GSAP: variants seen among roughly 807,000 people sequenced by gnomAD.
GSAP encodes the protein gamma-secretase-activating protein.
A neutral mutation model predicts 131.7 loss-of-function variants in GSAP; 118 were observed. The observed-to-expected ratio is 0.90, with a 90% CI of 0.77 to 1.04. The LOEUF (loss-of-function observed/expected upper bound fraction) is 1.04. Among genes scored for constraint, GSAP ranks in the 50% least tolerant of loss-of-function variants. The pLI, the probability that GSAP is intolerant of heterozygous loss-of-function variation, is 0.00. For synonymous variants in GSAP, 381 were observed against 363.4 expected (o/e 1.05, Z -0.55); for missense variants, 1,019 against 1,013.2 (o/e 1.01, Z -0.08).
chr7:77,400,260 G>A (rs1382632144), intron 3 of GSAP, among the ~76,000 whole-genome samples: 3 of 152,050 alleles, frequency 2.0e-5, no homozygotes, highest in African/African-American at 7.2e-5. Context: ...CACCAAGAGT[G>A]AAAGCAAATC....
chr7:77,389,026 T>C (rs1282408101), intron 5 of GSAP, among the ~76,000 whole-genome samples: 1 of 152,096 alleles, frequency 6.6e-6, no homozygotes, highest in Non-Finnish European at 1.5e-5. Flanking sequence ...ATCTACTTGA[T>C]GACTCAAAAA....
intron 12 of GSAP, among the ~76,000 whole-genome samples, chr7:77,364,863 C>A (rs1163178004): frequency 6.6e-6 from 1 of 152,230 alleles, no homozygotes; most frequent in African/African-American, 2.4e-5. Flanking sequence ...TCCAACAGAA[C>A]TGTCTTTGAC....
intron 26 of GSAP, among the ~76,000 whole-genome samples, chr7:77,319,201 T>C: frequency 6.6e-6 from 1 of 152,104 alleles, no homozygotes; most frequent in Non-Finnish European, 1.5e-5. Context: ...CAAACCTCAA[T>C]AGCAAGAAAA....
chr7:77,364,271 T>C (rs1317055659), intron 12 of GSAP, among the ~76,000 whole-genome samples: 1 of 152,084 alleles, frequency 6.6e-6, no homozygotes, highest in Admixed American at 6.5e-5. Flanking sequence ...AGTAATTCTT[T>C]TAGGATTCTA....
At chr7:77,344,715 C>T (rs1791528930) in intron 19 of GSAP, among the ~76,000 whole-genome samples, 1 of 152,122 alleles carries the variant, frequency 6.6e-6, no homozygotes, top group African/African-American at 2.4e-5. Context: ...GGGTACACTC[C>T]AATACTTTCA....
intron 19 of GSAP, among the ~76,000 whole-genome samples, chr7:77,333,843 TG>T (rs1789538506): frequency 6.6e-6 from 1 of 151,988 alleles, no homozygotes; most frequent in Admixed American, 6.5e-5. Flanking sequence ...AAGGGAGAGT[TG>T]AATCTGCACA....
chr7:77,382,487 G>T (rs1343697782), intron 7 of GSAP, 87 bp downstream of exon 7: 2 of 715,574 alleles, frequency 2.8e-6, no homozygotes, highest in South Asian at 3.2e-5. Context: ...ATGGCAGGTG[G>T]ATATCTAGAA....
At chr7:77,378,115 T>C (rs1797234167) in intron 8 of GSAP, among the ~76,000 whole-genome samples, 1 of 152,228 alleles carries the variant, frequency 6.6e-6, no homozygotes, top group Non-Finnish European at 1.5e-5. Flanking sequence ...CGCACTCTTC[T>C]ACAACACGTT....
intron 19 of GSAP, among the ~76,000 whole-genome samples, chr7:77,338,051 A>C (rs1001714781): frequency 6.6e-6 from 1 of 152,222 alleles, no homozygotes; most frequent in East Asian, 1.9e-4. Context: ...TGTGGTCCCA[A>C]CTACTTGGGA....
chr7:77,355,451 A>G, intron 15 of GSAP, 21 bp from the exon 16 acceptor site: 3 of 1,449,616 alleles, frequency 2.1e-6, no homozygotes, highest in South Asian at 1.2e-5. Context: ...AAAAAAAAAC[A>G]GTAGATCAGC....
rs770125174 is a variant in GSAP, at chr7:77,353,050, G to C, written c.1409-24C>G. On this transcript the variant is annotated intron_variant, in intron 17 of 30. Coordinates refer to ENST00000257626, the MANE Select transcript of GSAP (RefSeq NM_017439.4). ...AGCTGAGTAGATTTTTTTTGAAACA[G>C]GGGGAAAAAAGATGTGGTTTAATAA... The C allele has an allele frequency of 9.8e-6, 13 of 1,325,082 alleles. No individual in the cohort carries two copies. In the African/African-American group the frequency reaches 1.9e-4, roughly 19 times the overall value. 82.1% of individuals were successfully genotyped at this position (1,325,082 alleles called of 1,614,324 possible). A position where few individuals can be genotyped will look rare whatever the true frequency, so the allele number is the denominator to read the frequency against.
chr7:77,373,008 G>C (rs1417638923), intron 12 of GSAP, among the ~76,000 whole-genome samples: 2 of 152,220 alleles, frequency 1.3e-5, no homozygotes, highest in African/African-American at 4.8e-5. Flanking sequence ...AAGAGGAATG[G>C]ATTATGCAGG....
At chr7:77,397,515 G>A in intron 3 of GSAP, 100 bp from the exon 4 acceptor site, 2 of 625,874 alleles carry the variant, frequency 3.2e-6, no homozygotes, top group South Asian at 2.2e-5. Flanking sequence ...GTATTACTGG[G>A]GCAAAATATT....
At chr7:77,396,324 A>G (rs1800386319) in intron 5 of GSAP, among the ~76,000 whole-genome samples, 1 of 152,186 alleles carries the variant, frequency 6.6e-6, no homozygotes, top group African/African-American at 2.4e-5. Context: ...ACATATTTAC[A>G]TGGTCTCTCT....
intron 23 of GSAP, among the ~76,000 whole-genome samples, chr7:77,324,832 T>G (rs1307964323): frequency 6.8e-6 from 1 of 146,472 alleles, no homozygotes; most frequent in East Asian, 2.0e-4. Context: ...CATACTTTTT[T>G]TTTTTTTTTT....
chr7:77,354,804 T>C (rs1793412542), intron 16 of GSAP, among the ~76,000 whole-genome samples: 1 of 152,038 alleles, frequency 6.6e-6, no homozygotes, highest in South Asian at 2.1e-4. Flanking sequence ...CTTAATAAAC[T>C]CTAATGTGAA....
chr7:77,326,469 G>A lies in GSAP; in HGVS notation c.1766-196C>T, dbSNP rs187271394. 24 of 482,432 alleles carry A rather than the reference G, an allele frequency of 5.0e-5. No homozygotes were observed. In the East Asian group the frequency reaches 6.2e-4, roughly 12 times the overall value. The allele number at this position is 482,432 out of a possible 1,614,324, so 29.9% of individuals were successfully genotyped here. On this transcript the variant is annotated intron_variant, in intron 22 of 30. Transcript: ENST00000257626. ...GAGCTGTGTGAAACAGGGAATGACC[G>A]AGAAAGAAAGAAACCAACACATTCC...
At chr7:77,374,010 TAA>T in intron 12 of GSAP, 58 bp downstream of exon 12, 1 of 917,182 alleles carries the variant, frequency 1.1e-6, no homozygotes, top group South Asian at 1.4e-5. Context: ...AAACAATGAG[TAA>T]ATTTTGTCTA....
At chr7:77,332,206 T>C (rs1314983207) in intron 19 of GSAP, among the ~76,000 whole-genome samples, 1 of 152,218 alleles carries the variant, frequency 6.6e-6, no homozygotes, top group Non-Finnish European at 1.5e-5. Flanking sequence ...AATGCTATCC[T>C]GTTGTTAGAA....
Sources: allele counts gnomAD v4.1 joint callset (sites outside exome capture counted in the v4.1 genomes callset), GRCh38; gene constraint gnomAD v4.1.1; transcripts MANE v1.5; gene names NCBI Gene and HGNC (gene_info 2026-07-23, HGNC 2026-07-21).